Variants in BAHD1 observed in about 807,000 individuals in gnomAD.
BAHD1 encodes bromo adjacent homology domain containing 1.
BAHD1 carries 20 observed loss-of-function variants against 63.1 expected under a neutral mutation model. That is an observed-to-expected ratio of 0.32 (90% CI 0.22 to 0.46). The LOEUF (loss-of-function observed/expected upper bound fraction) is 0.46, where lower values mean the gene tolerates loss of function less well. Among genes scored for constraint, BAHD1 ranks in the 20% least tolerant of loss-of-function variants. The probability of loss-of-function intolerance (pLI) is 1.00; values close to 1 mark genes in which losing one functional copy is unlikely to be tolerated. For missense variants in BAHD1, 939 were observed against 1,071.8 expected (o/e 0.88, Z 1.73); for synonymous variants, 408 against 426.8 (o/e 0.96, Z 0.54).
chr15:40,466,176 G>A lies in BAHD1; in HGVS notation c.*46G>A, dbSNP rs773104079. 1.3e-5 allele frequency: 20 copies of A among 1,574,116 alleles called. No individual in the cohort carries two copies. Among genetic ancestry groups the A allele is most frequent in the Middle Eastern group, 1.7e-4 (1 of 5,834 alleles). Reference sequence around the variant, plus strand: ...GGCTACCCATGGGCAAGTGGGGCTCGGGGTAGGGGGCACTGCTTGAAGCAC... The same window carrying A: ...GGCTACCCATGGGCAAGTGGGGCTCAGGGTAGGGGGCACTGCTTGAAGCAC... On this transcript the variant is annotated 3_prime_UTR_variant, in exon 7 of 7. Coordinates refer to ENST00000416165, the MANE Select transcript of BAHD1 (RefSeq NM_014952.5).
At position 40,462,700 on chromosome 15, in the gene BAHD1, T is replaced by C. The variant is rs574624543; in HGVS notation, c.1815+406T>C. On this transcript the variant is annotated intron_variant, in intron 3 of 6. Transcript: ENST00000416165. The stretch of plus-strand genomic sequence containing the variant: ...TTAGTGACACAGAGAACATCTCGGA[T>C]GATGAAAAGAGGCCAAGTGCGGTGG... Among the ~76,000 whole-genome samples the C allele has an allele frequency of 4.6e-5, 7 of 152,222 alleles. No individual in the cohort carries two copies. The South Asian group carries it at 1.0e-3, about 23-fold the overall frequency.
intron 5 of BAHD1, chr15:40,465,115 G>A: frequency 3.5e-6 from 2 of 575,268 alleles, no homozygotes; most frequent in Admixed American, 3.0e-5. Context: ...TCAGGGGCTA[G>A]AGCAGATACC....
chr15:40,459,777 A>C lies in BAHD1; in HGVS notation c.1313A>C (p.Tyr438Ser), dbSNP rs746510563. 1 of 1,613,732 alleles carries C rather than the reference A, an allele frequency of 6.2e-7. No homozygotes were observed. The highest frequency in any genetic ancestry group is 1.3e-5 in the African/African-American group (1 of 74,928). Residue 438 changes from tyrosine (Y) to serine (S), a missense_variant, in exon 2 of 7, where the codon TAC becomes TCC. Tyr to Ser is a moderately radical substitution (Grantham distance 144, BLOSUM62 -2). Around this residue, in one of 5 missense-constraint regions of BAHD1, gnomAD observed 797 missense variants for 813.3 expected, o/e 0.98. Transcript: ENST00000416165. ...CACCCTCCCTGGGGCTCCTCTCGCT[A>C]CTGCTCTAGCGAGGACACTGGAGTG... ...FQHPPWGSSRYCSSEDTGVNG... is the reference protein window; with the variant it reads ...FQHPPWGSSRSCSSEDTGVNG...
intron 1 of BAHD1, among the ~76,000 whole-genome samples, chr15:40,455,776 C>T (rs975143853): frequency 3.9e-5 from 6 of 152,206 alleles, no homozygotes; most frequent in Non-Finnish European, 8.8e-5. Flanking sequence ...GGCTTTGGCC[C>T]GTGCTCAAAT....
intron 1 of BAHD1, among the ~76,000 whole-genome samples, chr15:40,455,199 A>G (rs2141507665): frequency 6.6e-6 from 1 of 152,266 alleles, no homozygotes; most frequent in South Asian, 2.1e-4. Context: ...GATTTGGCAG[A>G]TTTTAGGGAG....
chr15:40,460,041 G>T, intron 2 of BAHD1, 145 bp downstream of exon 2: 1 of 1,076,838 alleles, frequency 9.3e-7, no homozygotes, highest in Non-Finnish European at 1.3e-6. Flanking sequence ...GAGAACTCCC[G>T]TAGTCTGTGC....
At position 40,456,878 on chromosome 15, in the gene BAHD1, C is replaced by T. The variant is rs575642890; in HGVS notation, c.-14-1573C>T. Among the ~76,000 whole-genome samples, 5 of 152,272 alleles carry T rather than the reference C, an allele frequency of 3.3e-5. No homozygotes were observed. In the South Asian group the frequency reaches 1.0e-3, roughly 32 times the overall value. The stretch of plus-strand genomic sequence containing the variant: ...CTTGTCTGGCACCTTACTTGCCAGC[C>T]CCTGTGCTTTGGGTTGAATGGTAGG... On this transcript the variant is annotated intron_variant, in intron 1 of 6. Coordinates refer to ENST00000416165, the MANE Select transcript of BAHD1 (RefSeq NM_014952.5).
rs557629732 is a variant in BAHD1, at chr15:40,465,953, G to A, written c.2166G>A (p.Met722Ile). ...TATCTCTCTACAGGTTCTGTGCCAT[G>A]GCCAAGCGCCGAGGTGAAGGCCTCC... ...TFAEYCRFCA[M>I]AKRRGEGLPS... Residue 722 changes from methionine to isoleucine, a missense_variant, in exon 7 of 7, where the codon ATG (methionine) becomes ATA (isoleucine). By Grantham distance (10) the Met-to-Ile change is conservative (BLOSUM62 1). Transcript: ENST00000416165. 4 of 1,594,412 alleles carry A rather than the reference G, an allele frequency of 2.5e-6. No homozygotes were observed. In the South Asian group the frequency reaches 4.5e-5, roughly 18 times the overall value.
At chr15:40,448,094 T>C (rs1415827425) in intron 1 of BAHD1, among the ~76,000 whole-genome samples, 2 of 151,934 alleles carry the variant, frequency 1.3e-5, no homozygotes, top group Non-Finnish European at 2.9e-5. Flanking sequence ...ATACAAAAAT[T>C]AGCCGGGCAT....
At chr15:40,444,369 T>C (rs1893479181) in intron 1 of BAHD1, among the ~76,000 whole-genome samples, 1 of 152,188 alleles carries the variant, frequency 6.6e-6, no homozygotes, top group Admixed American at 6.5e-5. Context: ...TTTCTGCTGG[T>C]GAAGAGTCCT....
intron 1 of BAHD1, among the ~76,000 whole-genome samples, chr15:40,454,980 G>A (rs1324570241): frequency 6.6e-6 from 1 of 152,162 alleles, no homozygotes; most frequent in Non-Finnish European, 1.5e-5. Flanking sequence ...CAGGGAAAAA[G>A]TTGCAGCCGA....
intron 1 of BAHD1, among the ~76,000 whole-genome samples, chr15:40,445,269 A>C (rs1447697999): frequency 5.9e-5 from 9 of 151,268 alleles, no homozygotes; most frequent in Non-Finnish European, 7.4e-5. Context: ...AAAAAAAAAA[A>C]AAAAAAACAA....
In BAHD1 at chr15:40,468,220, A is replaced by G. The variant is rs1033200743; in HGVS notation, c.*2090A>G. 5.2e-5 allele frequency: 8 copies of G among 152,576 alleles called. No homozygotes were observed. Among genetic ancestry groups the G allele is most frequent in the African/African-American group, 1.7e-4 (7 of 41,444 alleles). 9.5% of individuals were successfully genotyped at this position (152,576 alleles called of 1,614,324 possible). A position where few individuals can be genotyped will look rare whatever the true frequency, so the allele number is the denominator to read the frequency against. On this transcript the variant is annotated 3_prime_UTR_variant, in exon 7 of 7. Coordinates refer to ENST00000416165, the MANE Select transcript of BAHD1 (RefSeq NM_014952.5). ...GAAAAAAATAAATTTGAGAAATTGT[A>G]TTGATTTAGAAAAGGATCGTTTCCT...
intron 1 of BAHD1, among the ~76,000 whole-genome samples, chr15:40,441,634 C>T (rs1436341034): frequency 6.8e-6 from 1 of 146,398 alleles, no homozygotes; most frequent in Non-Finnish European, 1.5e-5. Flanking sequence ...CGCGGGCGTC[C>T]CGAGCTGCGG....
chr15:40,461,276 G>A (rs1194948367), intron 2 of BAHD1, among the ~76,000 whole-genome samples: 1 of 152,156 alleles, frequency 6.6e-6, no homozygotes, highest in Non-Finnish European at 1.5e-5. Context: ...AAGTCACATG[G>A]CTAGTAAGTG....
intron 3 of BAHD1, among the ~76,000 whole-genome samples, chr15:40,463,352 T>C (rs751999071): frequency 5.9e-5 from 9 of 152,228 alleles, no homozygotes; most frequent in Non-Finnish European, 1.0e-4. Flanking sequence ...GAGCACTTCT[T>C]AGATGCCAGA....
chr15:40,442,378 C>T (rs967513000), intron 1 of BAHD1, among the ~76,000 whole-genome samples: 1 of 151,298 alleles, frequency 6.6e-6, no homozygotes, highest in Admixed American at 6.6e-5. Context: ...CCTCGAGGCT[C>T]TGGGAAGTGG....
upstream of BAHD1, among the ~76,000 whole-genome samples, chr15:40,440,368 G>A (rs942563714): frequency 6.6e-6 from 1 of 152,054 alleles, no homozygotes; most frequent in African/African-American, 2.4e-5. Flanking sequence ...TTTTGCAGGA[G>A]TCTGGGGCCC....
chr15:40,461,054 C>T (rs1023424310), intron 2 of BAHD1, among the ~76,000 whole-genome samples: 5 of 152,176 alleles, frequency 3.3e-5, no homozygotes, highest in Non-Finnish European at 7.4e-5. Context: ...AGCACAGACT[C>T]CGAAGCCAGA....
Sources: allele counts gnomAD v4.1 joint callset (sites outside exome capture counted in the v4.1 genomes callset), GRCh38; gene constraint gnomAD v4.1.1; regional missense constraint gnomAD v4.1.1; transcripts MANE v1.5; gene names NCBI Gene and HGNC (gene_info 2026-07-23, HGNC 2026-07-21).